RYR3: variants seen among roughly 807,000 people sequenced by gnomAD.
The protein encoded by RYR3 is ryanodine receptor 3.
In RYR3, 207 loss-of-function variants were observed where a neutral mutation model predicts 584.3. The observed-to-expected ratio is 0.35, with a 90% CI of 0.32 to 0.40. The LOEUF (loss-of-function observed/expected upper bound fraction) is 0.40, where lower values mean the gene tolerates loss of function less well. RYR3 is among the 10% of genes least tolerant of loss of function. RYR3 has a pLI of 1.00. For missense variants in RYR3, 5,616 were observed against 6,089.2 expected (o/e 0.92, Z 2.59); for synonymous variants, 2,416 against 2,248.5 (o/e 1.07, Z -2.11).
At chr15:33,603,077 A>G (rs766840191) in intron 17 of RYR3, 46 bp from the exon 18 acceptor site, 1 of 1,601,358 alleles carries the variant, frequency 6.2e-7, no homozygotes, top group Non-Finnish European at 8.5e-7. Flanking sequence ...TTGCTTTCTC[A>G]GCTTTTAAGG....
intron 16 of RYR3, among the ~76,000 whole-genome samples, chr15:33,596,490 T>G (rs2059375129): frequency 1.5e-5 from 1 of 65,246 alleles, no homozygotes; most frequent in Admixed American, 1.4e-4. Context: ...ATATTGTTCT[T>G]TTTTTGGGGG....
intron 1 of RYR3, among the ~76,000 whole-genome samples, chr15:33,471,641 A>C (rs79455521): frequency 0.012 from 1,811 of 150,450 alleles, 32 homozygotes; most frequent in African/African-American, 0.042. Flanking sequence ...TGATTTCTAA[A>C]TGCCTGAGTT....
At chr15:33,474,641 A>G (rs2049217409) in intron 2 of RYR3, among the ~76,000 whole-genome samples, 1 of 152,236 alleles carries the variant, frequency 6.6e-6, no homozygotes, top group Admixed American at 6.5e-5. Flanking sequence ...AAGTTGACAT[A>G]AAACCCACCA....
In RYR3 at chr15:33,842,026, C is replaced by A; in HGVS notation, c.13200C>A (p.Thr4400=). The change falls in exon 91 of 104, where the codon ACC becomes ACA. Residue 4400 remains threonine, a synonymous_variant. Transcript: ENST00000634891. The part of the protein sequence containing the change: ...NFFKGLEIYQ[T]KLLHYLARNF... The stretch of plus-strand genomic sequence containing the variant: ...TTAAAGGGCTGGAAATCTATCAGAC[C>A]AAGTTACTGGTAAGCATTCCAACCT... The A allele has an allele frequency of 6.3e-7, 1 of 1,599,244 alleles. No individual in the cohort carries two copies. The highest frequency in any genetic ancestry group is 1.1e-5 in the South Asian group (1 of 88,150).
intron 17 of RYR3, among the ~76,000 whole-genome samples, chr15:33,601,852 A>G (rs1378846295): frequency 6.6e-6 from 1 of 152,038 alleles, no homozygotes; most frequent in African/African-American, 2.4e-5. Flanking sequence ...CAGTAATGCA[A>G]CTCTTATAAC....
At chr15:33,407,980 G>GAAA (rs60482512) in intron 1 of RYR3, among the ~76,000 whole-genome samples, 1 of 147,158 alleles carries the variant, frequency 6.8e-6, no homozygotes, top group Non-Finnish European at 1.5e-5. Context: ...TTTGGAAAAG[G>GAAA]AAAAAAAAAT....
chr15:33,596,146 T>C (rs1477282045), intron 16 of RYR3, among the ~76,000 whole-genome samples: 3 of 152,094 alleles, frequency 2.0e-5, no homozygotes, highest in Admixed American at 6.5e-5. Flanking sequence ...TTTACCTTGT[T>C]GTATACATAA....
chr15:33,831,009 T>A lies in RYR3; in HGVS notation c.11381T>A (p.Ile3794Asn). Residue 3794 changes from isoleucine to asparagine, a missense_variant, in exon 86 of 104, where the codon ATT becomes AAT. Ile to Asn is a moderately radical substitution (Grantham distance 149). This residue lies in a region of RYR3 where 954 missense variants were observed against 1,132.2 expected (regional missense o/e 0.84). Transcript: ENST00000634891. ...FYWYYSGKDI[I>N]DESGQHNFSK... ...TGGTATTATTCAGGGAAGGACATCA[T>A]TGATGAATCTGGACAGCACAATTTT... 1.9e-6 allele frequency: 3 copies of A among 1,613,774 alleles called. No homozygotes were observed. Among genetic ancestry groups the A allele is most frequent in the Non-Finnish European group, 1.7e-6 (2 of 1,179,722 alleles).
intron 103 of RYR3, among the ~76,000 whole-genome samples, chr15:33,864,435 C>CATTACAGAGACAAT (rs1281802734): frequency 2.2e-4 from 34 of 151,204 alleles, no homozygotes; most frequent in African/African-American, 7.7e-4. Context: ...GTGGGGAGAA[C>CATTACAGAGACAAT]ATTACAGAGA....
chr15:33,861,459 T>C (rs531022164), intron 102 of RYR3, among the ~76,000 whole-genome samples: 140 of 150,860 alleles, frequency 9.3e-4, no homozygotes, highest in Non-Finnish European at 1.9e-3. Flanking sequence ...ACTGGACTTC[T>C]TCTATCACCA....
At chr15:33,784,102 T>C (rs1328987267) in intron 65 of RYR3, among the ~76,000 whole-genome samples, 2 of 152,230 alleles carry the variant, frequency 1.3e-5, no homozygotes, top group East Asian at 3.8e-4. Context: ...TTCCATAGCA[T>C]AGAGACTGCT....
intron 67 of RYR3, among the ~76,000 whole-genome samples, chr15:33,794,043 CAT>C (rs199983355): frequency 0.056 from 1,991 of 35,294 alleles, 93 homozygotes; most frequent in African/African-American, 0.096. Flanking sequence ...TACATAAATA[CAT>C]ATATATAAAT....
chr15:33,376,637 C>T (rs2040764244), intron 1 of RYR3, among the ~76,000 whole-genome samples: 2 of 152,174 alleles, frequency 1.3e-5, no homozygotes, highest in African/African-American at 2.4e-5. Context: ...CTTGCAGCGG[C>T]GGGAATGGGG....
At chr15:33,589,988 G>A (rs566827839) in intron 16 of RYR3, among the ~76,000 whole-genome samples, 13 of 152,174 alleles carry the variant, frequency 8.5e-5, no homozygotes, top group South Asian at 6.2e-4. Context: ...GGCTAAGTTC[G>A]AAAAGAGAGT....
Position 33,603,495 on chromosome 15 carries a change from G to C in RYR3, c.2164+131G>C. On this transcript the variant is annotated intron_variant, in intron 18 of 103. Transcript: ENST00000634891. ...AGAGTCTCAACTAATTAAACGGTTA[G>C]GTGGAAAAGAGTATCAGATTAAAAT... 3 of 991,350 alleles carry C rather than the reference G, an allele frequency of 3.0e-6. No individual in the cohort carries two copies. In the South Asian group the frequency reaches 5.1e-5, roughly 17 times the overall value. The allele number at this position is 991,350 out of a possible 1,614,324, so 61.4% of individuals were successfully genotyped here. A position where few individuals can be genotyped will look rare whatever the true frequency, so the allele number is the denominator to read the frequency against.
intron 1 of RYR3, among the ~76,000 whole-genome samples, chr15:33,347,017 T>C (rs555177333): frequency 3.4e-4 from 52 of 151,860 alleles, no homozygotes; most frequent in African/African-American, 8.7e-4. Context: ...AGGCTGGGAG[T>C]ATGTGTTTTG....
At chr15:33,578,924 G>A (rs949953713) in intron 12 of RYR3, among the ~76,000 whole-genome samples, 1 of 152,122 alleles carries the variant, frequency 6.6e-6, no homozygotes, top group Non-Finnish European at 1.5e-5. Flanking sequence ...GCTCCCAGGT[G>A]TACTCCTCAA....
At chr15:33,498,002 A>T (rs1467204724) in intron 2 of RYR3, among the ~76,000 whole-genome samples, 2 of 152,192 alleles carry the variant, frequency 1.3e-5, no homozygotes, top group Non-Finnish European at 2.9e-5. Flanking sequence ...ACTTAACATA[A>T]TGTCCTCCAG....
chr15:33,691,290 G>A (rs1474765675), intron 38 of RYR3, among the ~76,000 whole-genome samples: 2 of 152,168 alleles, frequency 1.3e-5, no homozygotes, highest in African/African-American at 4.8e-5. Flanking sequence ...GGTTCGTTGA[G>A]TTAATAAGAA....
Sources: gnomAD v4.1 joint callset for allele counts (sites outside exome capture counted in the v4.1 genomes callset) on GRCh38, gnomAD v4.1.1 for gene constraint, gnomAD v4.1.1 regional missense constraint, MANE v1.5 for transcripts, NCBI Gene and HGNC (gene_info 2026-07-23, HGNC 2026-07-21) for gene names.